Variants in RTL4 observed in about 807,000 individuals in gnomAD.
RTL4 encodes the protein retrotransposon Gag-like protein 4.
In RTL4, 4 loss-of-function variants were observed where a neutral mutation model predicts 5.3. The ratio of observed to expected loss-of-function variants is 0.75; its 90% confidence interval spans 0.37 to 1.72. RTL4 has a LOEUF of 1.72. Among genes scored for constraint, RTL4 ranks in the 40% most tolerant of loss-of-function variants. RTL4 has a pLI of 0.04. For missense variants in RTL4, 260 were observed against 227.1 expected, an observed-to-expected ratio of 1.14 and a Z score of -0.93; for synonymous variants, 98 against 87.3, an observed-to-expected ratio of 1.12 and a Z score of -0.68.
the RTL4 span, among the ~76,000 whole-genome samples, chrX:112,320,954 G>A: frequency 2.7e-5 from 3 of 111,574 alleles, no homozygotes; most frequent in Non-Finnish European, 5.6e-5. Flanking sequence ...GCTCAGGGAA[G>A]ATAATGGTTA....
the RTL4 span, among the ~76,000 whole-genome samples, chrX:112,159,478 A>C: frequency 8.9e-6 from 1 of 111,859 alleles, no homozygotes; most frequent in Non-Finnish European, 1.9e-5. Flanking sequence ...TGCCAATCTC[A>C]GGTACCAAAG....
At chrX:112,299,754 T>C in the RTL4 span, among the ~76,000 whole-genome samples, 1 of 112,096 alleles carries the variant, frequency 8.9e-6, no homozygotes, top group Non-Finnish European at 1.9e-5. Flanking sequence ...CTGACAGTGT[T>C]CCTTTGTCAA....
At chrX:112,340,849 T>A in the RTL4 span, among the ~76,000 whole-genome samples, 2 of 110,899 alleles carry the variant, frequency 1.8e-5, no homozygotes, top group African/African-American at 3.3e-5. Context: ...CCTGAGTAGC[T>A]GGGACTATAG....
the RTL4 span, among the ~76,000 whole-genome samples, chrX:112,312,271 A>G: frequency 9.0e-6 from 1 of 111,412 alleles, no homozygotes; most frequent in South Asian, 3.8e-4. Flanking sequence ...ATTTCCATGT[A>G]CCAGAGTTAT....
the RTL4 span, among the ~76,000 whole-genome samples, chrX:112,236,442 T>TAAAATACGA: frequency 7.6e-5 from 6 of 79,370 alleles, no homozygotes; most frequent in East Asian, 4.2e-4. Context: ...TAGATCTATA[T>TAAAATACGA]CTATATATAG....
the RTL4 span, among the ~76,000 whole-genome samples, chrX:112,174,075 C>CT: frequency 1.0e-5 from 1 of 95,839 alleles, no homozygotes; most frequent in African/African-American, 3.8e-5. Context: ...TTTTGAGCTT[C>CT]TTTTTTTTAA....
the RTL4 span, among the ~76,000 whole-genome samples, chrX:112,328,973 A>G: frequency 2.7e-5 from 3 of 111,984 alleles, no homozygotes; most frequent in Admixed American, 2.9e-4. Context: ...GAACAAAGAC[A>G]CAACATACCA....
chrX:112,382,107 C>T, the RTL4 span: 1 of 1,209,972 alleles, frequency 8.3e-7, no homozygotes, highest in Non-Finnish European at 1.1e-6. Context: ...TATCTGGAGT[C>T]CTTAATCCGG....
At chrX:112,260,936 T>G in the RTL4 span, among the ~76,000 whole-genome samples, 38 of 111,973 alleles carry the variant, frequency 3.4e-4, no homozygotes, top group Non-Finnish European at 6.6e-4. Context: ...TTCAGAACAC[T>G]GAGTGGTTAT....
At chrX:112,252,683 CCCTGT>C in the RTL4 span, among the ~76,000 whole-genome samples, 1 of 111,365 alleles carries the variant, frequency 9.0e-6, no homozygotes, top group Non-Finnish European at 1.9e-5. Flanking sequence ...CATGCATGAC[CCCTGT>C]CCTGGACATT....
At chrX:112,115,539 A>T in the RTL4 span, among the ~76,000 whole-genome samples, 2 of 111,363 alleles carry the variant, frequency 1.8e-5, no homozygotes, top group Non-Finnish European at 3.8e-5. Flanking sequence ...AATAGGAAGG[A>T]TATCATTTCT....
chrX:112,160,463 G>A, the RTL4 span, among the ~76,000 whole-genome samples: 1 of 111,938 alleles, frequency 8.9e-6, no homozygotes, highest in African/African-American at 3.3e-5. Flanking sequence ...GCTTAGCATT[G>A]GGAATACAGA....
chrX:112,413,801 A>C, the RTL4 span, among the ~76,000 whole-genome samples: 1 of 110,762 alleles, frequency 9.0e-6, no homozygotes, highest in South Asian at 3.9e-4. Context: ...GGGTGAGTAT[A>C]ATCAAAAAAT....
chrX:112,370,927 C>T, the RTL4 span, among the ~76,000 whole-genome samples: 2 of 110,062 alleles, frequency 1.8e-5, no homozygotes, highest in African/African-American at 3.3e-5. Flanking sequence ...CCTGTCCTGC[C>T]TCCTAGATAG....
the RTL4 span, among the ~76,000 whole-genome samples, chrX:112,190,197 T>TTTC: frequency 1.9e-5 from 2 of 104,232 alleles, no homozygotes; most frequent in Admixed American, 2.1e-4. Flanking sequence ...TCTTTCTTTC[T>TTTC]TTCTTTCTTT....
the RTL4 span, among the ~76,000 whole-genome samples, chrX:112,128,435 G>A: frequency 1.8e-5 from 2 of 110,911 alleles, no homozygotes; most frequent in South Asian, 3.8e-4. Flanking sequence ...AGGCCGAGGC[G>A]GGCGGATTAT....
At chrX:112,327,917 T>G in the RTL4 span, among the ~76,000 whole-genome samples, 43 of 108,814 alleles carry the variant, frequency 4.0e-4, no homozygotes, top group African/African-American at 1.1e-3. Flanking sequence ...AGCTTCATAA[T>G]TGAAGGAGAA....
At chrX:112,257,508 T>A in the RTL4 span, among the ~76,000 whole-genome samples, 1 of 111,271 alleles carries the variant, frequency 9.0e-6, no homozygotes, top group African/African-American at 3.3e-5. Flanking sequence ...TTAGACTGGG[T>A]AATTTATAAA....
the RTL4 span, among the ~76,000 whole-genome samples, chrX:112,221,454 C>T: frequency 9.0e-6 from 1 of 111,729 alleles, no homozygotes; most frequent in Non-Finnish European, 1.9e-5. Flanking sequence ...CATGAGGAAC[C>T]TGTCTCTATC....
Sources: allele counts gnomAD v4.1 joint callset (sites outside exome capture counted in the v4.1 genomes callset), GRCh38; gene constraint gnomAD v4.1.1; transcripts MANE v1.5; gene names NCBI Gene and HGNC (gene_info 2026-07-23, HGNC 2026-07-21).